The following CNTN5 variants were observed in gnomAD, a reference collection of about 807,000 sequenced individuals.
The protein encoded by CNTN5 is contactin 5.
A neutral mutation model predicts 129.1 loss-of-function variants in CNTN5; 77 were observed. The ratio of observed to expected loss-of-function variants is 0.60; its 90% CI spans 0.50 to 0.72. The LOEUF (loss-of-function observed/expected upper bound fraction) is 0.72. CNTN5 is among the 30% of genes least tolerant of loss of function. The pLI is 0.00. For missense variants in CNTN5, 1,478 were observed against 1,328.8 expected, an observed-to-expected ratio of 1.11 and a Z score of -1.75; for synonymous variants, 509 against 465.6, an observed-to-expected ratio of 1.09 and a Z score of -1.20.
intron 1 of CNTN5, among the ~76,000 whole-genome samples, chr11:99,320,938 C>G (rs905218676): frequency 1.3e-5 from 2 of 152,134 alleles, no homozygotes; most frequent in Admixed American, 1.3e-4. Context: ...CCAATCAGTT[C>G]AAGTCCTGAA....
At chr11:99,408,980 T>A (rs977325458) in intron 2 of CNTN5, among the ~76,000 whole-genome samples, 2 of 152,192 alleles carry the variant, frequency 1.3e-5, no homozygotes, top group African/African-American at 4.8e-5. Context: ...TGAAACATCA[T>A]TTGTGATTTT....
chr11:99,305,025 C>A (rs1864813923), intron 1 of CNTN5, among the ~76,000 whole-genome samples: 1 of 152,168 alleles, frequency 6.6e-6, no homozygotes, highest in Admixed American at 6.5e-5. Context: ...CCATGCCTAT[C>A]CAGTAACCCT....
intron 3 of CNTN5, among the ~76,000 whole-genome samples, chr11:99,689,530 GAAAAA>G (rs368912453): frequency 5.4e-5 from 5 of 92,902 alleles, no homozygotes; most frequent in African/African-American, 1.3e-4. Flanking sequence ...CCTCAAAAAA[GAAAAA>G]AAAAAAAAAA....
chr11:99,632,212 C>A (rs1951383817), intron 3 of CNTN5, among the ~76,000 whole-genome samples: 1 of 151,928 alleles, frequency 6.6e-6, no homozygotes, highest in African/African-American at 2.4e-5. Context: ...TAATAATGTA[C>A]AAATATGTAC....
At chr11:99,472,860 G>T (rs1305382746) in intron 2 of CNTN5, among the ~76,000 whole-genome samples, 1 of 152,014 alleles carries the variant, frequency 6.6e-6, no homozygotes, top group Non-Finnish European at 1.5e-5. Flanking sequence ...TTTGGTTCAA[G>T]TTCATCTCTA....
intron 18 of CNTN5, among the ~76,000 whole-genome samples, chr11:100,285,546 G>T (rs545559883): frequency 6.6e-6 from 1 of 152,108 alleles, no homozygotes; most frequent in Non-Finnish European, 1.5e-5. Context: ...CATTTTCTTT[G>T]GTTCTTGTAG....
At chr11:99,060,603 G>GA (rs1324142627) in intron 1 of CNTN5, among the ~76,000 whole-genome samples, 1 of 148,906 alleles carries the variant, frequency 6.7e-6, no homozygotes, top group Non-Finnish European at 1.5e-5. Flanking sequence ...TTAAAATATG[G>GA]ATTTTTTTTT....
intron 6 of CNTN5, among the ~76,000 whole-genome samples, chr11:99,886,551 GT>G: frequency 6.6e-6 from 1 of 152,188 alleles, no homozygotes; most frequent in East Asian, 1.9e-4. Context: ...AGAGGTGTGG[GT>G]TAAGAATTCA....
chr11:99,408,380 A>AAAGAAAG (rs1555137697), intron 2 of CNTN5, among the ~76,000 whole-genome samples: 65 of 134,048 alleles, frequency 4.8e-4, no homozygotes, highest in African/African-American at 1.7e-3. Context: ...AAAAAAAAAA[A>AAAGAAAG]AAAGAAAGAA....
intron 9 of CNTN5, among the ~76,000 whole-genome samples, chr11:100,043,275 T>A (rs1245918874): frequency 1.3e-5 from 2 of 152,222 alleles, no homozygotes; most frequent in African/African-American, 4.8e-5. Context: ...GGCATATTCA[T>A]AATGTCAGTA....
At chr11:99,271,049 A>T (rs1863146886) in intron 1 of CNTN5, among the ~76,000 whole-genome samples, 1 of 151,830 alleles carries the variant, frequency 6.6e-6, no homozygotes, top group Non-Finnish European at 1.5e-5. Flanking sequence ...CATGATAAAT[A>T]TTTGCTAGAT....
intron 1 of CNTN5, among the ~76,000 whole-genome samples, chr11:99,099,549 T>TACAC (rs57981357): frequency 1.8e-3 from 265 of 149,760 alleles, no homozygotes; most frequent in African/African-American, 5.7e-3. Context: ...ATAATGTGTA[T>TACAC]ACACACACAC....
At chr11:99,109,539 A>G (rs929780842) in intron 1 of CNTN5, among the ~76,000 whole-genome samples, 1 of 152,170 alleles carries the variant, frequency 6.6e-6, no homozygotes, top group Non-Finnish European at 1.5e-5. Flanking sequence ...CAGATAAGCC[A>G]TTATACTCTT....
At chr11:99,461,324 A>G (rs948036937) in intron 2 of CNTN5, among the ~76,000 whole-genome samples, 2 of 152,048 alleles carry the variant, frequency 1.3e-5, no homozygotes, top group Non-Finnish European at 2.9e-5. Flanking sequence ...TGCAGGTAAG[A>G]ACTGCCGTAG....
chr11:99,217,981 T>A (rs1860212873), intron 1 of CNTN5, among the ~76,000 whole-genome samples: 1 of 152,162 alleles, frequency 6.6e-6, no homozygotes, highest in Admixed American at 6.6e-5. Context: ...GTTTTGATAC[T>A]CCCTATTTCT....
At chr11:100,004,435 T>C (rs758277991) in intron 9 of CNTN5, among the ~76,000 whole-genome samples, 6 of 152,188 alleles carry the variant, frequency 3.9e-5, no homozygotes, top group Non-Finnish European at 8.8e-5. Flanking sequence ...TATCTATGAA[T>C]GTACATGTTA....
chr11:99,710,017 G>A (rs1954907501), intron 3 of CNTN5, among the ~76,000 whole-genome samples: 1 of 151,814 alleles, frequency 6.6e-6, no homozygotes, highest in South Asian at 2.1e-4. Flanking sequence ...TCCTCTTCCA[G>A]AAATGTTTCC....
intron 8 of CNTN5, among the ~76,000 whole-genome samples, chr11:99,999,142 C>T (rs1325415760): frequency 2.0e-5 from 3 of 151,938 alleles, no homozygotes; most frequent in East Asian, 1.9e-4. Context: ...CAACAAAAGC[C>T]AAAATTGACA....
chr11:100,192,025 G>T (rs887061566), intron 14 of CNTN5, among the ~76,000 whole-genome samples: 69 of 151,884 alleles, frequency 4.5e-4, no homozygotes, highest in African/African-American at 1.5e-3. Flanking sequence ...AAATAAAAAT[G>T]TAATTAATAC....
Sources: gnomAD v4.1 joint callset for allele counts (sites outside exome capture counted in the v4.1 genomes callset) on GRCh38, gnomAD v4.1.1 for gene constraint, MANE v1.5 for transcripts, NCBI Gene and HGNC (gene_info 2026-07-23, HGNC 2026-07-21) for gene names.